Variants in LUC7L3 observed in about 807,000 individuals in gnomAD.
The protein encoded by LUC7L3 is luc7-like protein 3.
Under a neutral mutation model 66.8 loss-of-function variants are expected in LUC7L3, and 6 were observed. The observed-to-expected ratio is 0.09, with a 90% CI of 0.05 to 0.18. The LOEUF (loss-of-function observed/expected upper bound fraction) is 0.18. Ranked by LOEUF, LUC7L3 falls within the 10% of genes least tolerant of loss-of-function variation. LUC7L3 has a pLI of 1.00. For missense variants in LUC7L3, 341 were observed against 531.1 expected (o/e 0.64, Z 3.52); for synonymous variants, 160 against 174.7 (o/e 0.92, Z 0.66).
At position 50,751,938 on chromosome 17, in the gene LUC7L3, C is replaced by A; in HGVS notation, c.*1277C>A. The A allele has an allele frequency of 9.7e-7, 1 of 1,033,728 alleles. No individual in the cohort carries two copies. The highest frequency in any genetic ancestry group is 1.2e-6 in the Non-Finnish European group (1 of 858,558). 64.0% of individuals were successfully genotyped at this position (1,033,728 alleles called of 1,614,324 possible). A position where few individuals can be genotyped will look rare whatever the true frequency, so the allele number is the denominator to read the frequency against. ...AAAATATTCCTAATGAAAGGAAGTA[C>A]CAATTAGTTGATTTGTTGGTGGCAT... On this transcript the variant is annotated 3_prime_UTR_variant, in exon 10 of 10. Coordinates refer to ENST00000505658, the MANE Select transcript of LUC7L3 (RefSeq NM_016424.5).
chr17:50,743,078 C>G (rs138919564), intron 5 of LUC7L3, among the ~76,000 whole-genome samples: 9 of 152,140 alleles, frequency 5.9e-5, no homozygotes, highest in African/African-American at 2.2e-4. Context: ...GTTTAGGATT[C>G]AGGCTGGAGG....
chr17:50,744,963 CA>C (rs1970575890), intron 7 of LUC7L3, 150 bp downstream of exon 7: 1 of 588,888 alleles, frequency 1.7e-6, no homozygotes, highest in Non-Finnish European at 2.9e-6. Flanking sequence ...AGGCATGTGC[CA>C]CCAGGCCTGG....
intron 1 of LUC7L3, among the ~76,000 whole-genome samples, chr17:50,727,068 G>A (rs1969242149): frequency 6.6e-6 from 1 of 151,954 alleles, no homozygotes; most frequent in Admixed American, 6.6e-5. Context: ...CAGCCTGGCT[G>A]ACAGAGCGAG....
At chr17:50,729,895 A>ATTTT (rs71760755) in intron 1 of LUC7L3, among the ~76,000 whole-genome samples, 1 of 81,152 alleles carries the variant, frequency 1.2e-5, no homozygotes, top group African/African-American at 5.0e-5. Context: ...ATATAAATAC[A>ATTTT]TTATATATAT....
chr17:50,752,147 T>G lies in LUC7L3; in HGVS notation c.*1486T>G, dbSNP rs949625198. 3.0e-5 allele frequency: 38 copies of G among 1,275,392 alleles called. No homozygotes were observed. The highest frequency in any genetic ancestry group is 9.2e-6 in the Non-Finnish European group (9 of 983,568). The allele number at this position is 1,275,392 out of a possible 1,614,324, so 79.0% of individuals were successfully genotyped here. On this transcript the variant is annotated 3_prime_UTR_variant, in exon 10 of 10. Transcript: ENST00000505658. ...TGGGCCAACACTTTCTCATAAAAAT[T>G]GGCCTTTTACATGTTGTCTAATTAT...
intron 1 of LUC7L3, among the ~76,000 whole-genome samples, chr17:50,729,242 G>T (rs998903619): frequency 6.6e-6 from 1 of 152,158 alleles, no homozygotes; most frequent in East Asian, 1.9e-4. Flanking sequence ...GGCAATTTTA[G>T]TGGTGGTGAG....
chr17:50,727,290 C>T (rs896349371), intron 1 of LUC7L3, among the ~76,000 whole-genome samples: 5 of 152,122 alleles, frequency 3.3e-5, no homozygotes, highest in Admixed American at 1.3e-4. Context: ...TTATTTAGTT[C>T]AGTTCCCCAG....
rs905796031 is a variant in LUC7L3 at position 50,755,043 on chromosome 17, T to C, written c.*4382T>C. On this transcript the variant is annotated 3_prime_UTR_variant, in exon 10 of 10. Transcript: ENST00000505658. ...ATGAAACAAAAAACACTTGAAGTTA[T>C]TATGTATACAATTCTGTGGGATGGG... 2 of 149,166 alleles carry C rather than the reference T, an allele frequency of 1.3e-5. No homozygotes were observed. The highest frequency in any genetic ancestry group is 2.6e-5 in the African/African-American group (1 of 38,552). The allele number at this position is 149,166 out of a possible 1,614,324, so 9.2% of individuals were successfully genotyped here.
In LUC7L3 at chr17:50,752,004, G is replaced by A. The variant is rs912402178; in HGVS notation, c.*1343G>A. On this transcript the variant is annotated 3_prime_UTR_variant, in exon 10 of 10. Coordinates refer to ENST00000505658, the MANE Select transcript of LUC7L3 (RefSeq NM_016424.5). The stretch of plus-strand genomic sequence containing the variant: ...GCAATGTAAGGTTATGTCTGTGTAT[G>A]TCATTCACACTTAGGCAAGCATACA... The A allele has an allele frequency of 9.2e-7, 1 of 1,085,994 alleles. No homozygotes were observed. Among genetic ancestry groups the A allele is most frequent in the African/African-American group, 1.7e-5 (1 of 58,648 alleles). 67.3% of individuals were successfully genotyped at this position (1,085,994 alleles called of 1,614,324 possible).
intron 9 of LUC7L3, among the ~76,000 whole-genome samples, chr17:50,750,075 C>T (rs1055097115): frequency 6.6e-6 from 1 of 152,030 alleles, no homozygotes; most frequent in Non-Finnish European, 1.5e-5. Flanking sequence ...TTAAAACATG[C>T]CTGTTATAAA....
chr17:50,746,861 C>A (rs887858748), intron 9 of LUC7L3, among the ~76,000 whole-genome samples, 159 bp downstream of exon 9: 1 of 152,194 alleles, frequency 6.6e-6, no homozygotes, highest in African/African-American at 2.4e-5. Flanking sequence ...TCCCCCTCTC[C>A]TACTTAGATT....
chr17:50,724,756 CTT>C (rs58826303), intron 1 of LUC7L3, among the ~76,000 whole-genome samples: 27 of 128,428 alleles, frequency 2.1e-4, no homozygotes, highest in Admixed American at 3.3e-4. Flanking sequence ...AATATTTTCT[CTT>C]TTTTTTTTTT....
chr17:50,736,941 C>T lies in LUC7L3; in HGVS notation c.100-19C>T. On this transcript the variant is annotated intron_variant, in intron 1 of 9. Coordinates refer to ENST00000505658, the MANE Select transcript of LUC7L3 (RefSeq NM_016424.5). ...TAAAACCAAGCAATTTTTTAAGTAC[C>T]TTTGTTTTTCTTTACTAGGTTTGTA... The T allele has an allele frequency of 6.4e-7, 1 of 1,568,060 alleles. No homozygotes were observed. The highest frequency in any genetic ancestry group is 8.7e-7 in the Non-Finnish European group (1 of 1,144,996).
chr17:50,741,037 A>G (rs1302094945), intron 3 of LUC7L3, 65 bp from the exon 4 acceptor site: 13 of 1,501,134 alleles, frequency 8.7e-6, no homozygotes, highest in African/African-American at 1.4e-5. Context: ...TAGTTAAGAT[A>G]GAATATTTGA....
chr17:50,745,712 T>G lies in LUC7L3; in HGVS notation c.694-8T>G. 6.4e-7 allele frequency: 1 copy of G among 1,568,556 alleles called. No homozygotes were observed. The highest frequency in any genetic ancestry group is 8.6e-7 in the Non-Finnish European group (1 of 1,165,892). Reference sequence around the variant, plus strand: ...CATTTGCATAAGAATCCAACTTGATTTTTCTAGGAAAAGTTAAGGAAAAGA... The same window carrying G: ...CATTTGCATAAGAATCCAACTTGATGTTTCTAGGAAAAGTTAAGGAAAAGA... On this transcript the variant is annotated splice_polypyrimidine_tract_variant and splice_region_variant and intron_variant, in intron 7 of 9. Transcript: ENST00000505658.
intron 9 of LUC7L3, 98 bp downstream of exon 9, chr17:50,746,800 A>G (rs1970696145): frequency 1.0e-6 from 1 of 1,004,704 alleles, no homozygotes; most frequent in Non-Finnish European, 1.4e-6. Context: ...CATTTCATAC[A>G]TACTCCTTTT....
rs1188923616 is a variant in LUC7L3 at position 50,719,858 on chromosome 17, C to T, written c.99+27C>T. 7 of 1,582,762 alleles carry T rather than the reference C, an allele frequency of 4.4e-6. No individual in the cohort carries two copies. In the Middle Eastern group the frequency reaches 6.8e-4, roughly 153 times the overall value. On this transcript the variant is annotated intron_variant, in intron 1 of 9. Transcript: ENST00000505658. The stretch of plus-strand genomic sequence containing the variant: ...TAAGTCCCGCGGGCCTTGGCCTGAG[C>T]CCGGGCTCCGTGGGGGAGGGGAGCG...
In LUC7L3 at chr17:50,756,187, TTAA is replaced by T. The variant is rs1971108924; in HGVS notation, c.*5530_*5532del. 1 of 149,714 alleles carries T rather than the reference TTAA, an allele frequency of 6.7e-6. No individual in the cohort carries two copies. Among genetic ancestry groups the T allele is most frequent in the Non-Finnish European group, 1.5e-5 (1 of 67,542 alleles). 9.3% of individuals were successfully genotyped at this position (149,714 alleles called of 1,614,324 possible). On this transcript the variant is annotated 3_prime_UTR_variant, in exon 10 of 10. Coordinates refer to ENST00000505658, the MANE Select transcript of LUC7L3 (RefSeq NM_016424.5). ...TGTGCTTTTGTATGTATGATATTTCTTAATAAAATTTAAAAAGAAGAATGGGAA... is the reference window on the plus strand; with the variant it reads ...TGTGCTTTTGTATGTATGATATTTCTTAAAATTTAAAAAGAAGAATGGGAA...
chr17:50,752,341 A>ATT lies in LUC7L3; in HGVS notation c.*1680_*1681insTT. ...TAGTTTTTTTATTATTATTATTATTAAAAGTTAATTCAGGACTGATGTGAC... is the reference window on the plus strand; with the variant it reads ...TAGTTTTTTTATTATTATTATTATTATTAAAGTTAATTCAGGACTGATGTGAC... On this transcript the variant is annotated 3_prime_UTR_variant, in exon 10 of 10. Transcript: ENST00000505658. 1.4e-6 allele frequency: 1 copy of ATT among 720,342 alleles called. No homozygotes were observed. Among genetic ancestry groups the ATT allele is most frequent in the Non-Finnish European group, 1.9e-6 (1 of 515,090 alleles). The allele number at this position is 720,342 out of a possible 1,614,324, so 44.6% of individuals were successfully genotyped here. A position where few individuals can be genotyped will look rare whatever the true frequency, so the allele number is the denominator to read the frequency against.
Sources: allele counts gnomAD v4.1 joint callset (sites outside exome capture counted in the v4.1 genomes callset), GRCh38; gene constraint gnomAD v4.1.1; transcripts MANE v1.5; gene names NCBI Gene and HGNC (gene_info 2026-07-23, HGNC 2026-07-21).